BCHE: variants seen among roughly 807,000 people sequenced by gnomAD.
The protein encoded by BCHE is butyrylcholinesterase.
Under a neutral mutation model 51.3 loss-of-function variants are expected in BCHE, and 48 were observed. The observed-to-expected ratio is 0.94, with a 90% CI of 0.74 to 1.19. The LOEUF (loss-of-function observed/expected upper bound fraction) is 1.19, where lower values mean the gene tolerates loss of function less well. BCHE is among the 50% of genes most tolerant of loss of function. The pLI, the probability that BCHE is intolerant of heterozygous loss-of-function variation, is 0.00. For synonymous variants in BCHE, 251 were observed against 238.0 expected, an observed-to-expected ratio of 1.05 and a Z score of -0.50; for missense variants, 847 against 708.2, an observed-to-expected ratio of 1.20 and a Z score of -2.23.
intron 2 of BCHE, among the ~76,000 whole-genome samples, chr3:165,828,423 T>A (rs569802284): frequency 6.6e-6 from 1 of 152,196 alleles, no homozygotes; most frequent in South Asian, 2.1e-4. Context: ...AGTGAATAAG[T>A]ATTAAACCAT....
At chr3:165,822,108 C>A (rs1298388369) in intron 2 of BCHE, among the ~76,000 whole-genome samples, 2 of 151,180 alleles carry the variant, frequency 1.3e-5, no homozygotes, top group African/African-American at 2.4e-5. Flanking sequence ...CAAAACAGGA[C>A]AAAATAAAAG....
chr3:165,776,598 T>C (rs925189689), intron 3 of BCHE, among the ~76,000 whole-genome samples: 2 of 151,938 alleles, frequency 1.3e-5, no homozygotes, highest in South Asian at 2.1e-4. Flanking sequence ...TGTGACGTTT[T>C]CTTTAAACAA....
At chr3:165,806,213 T>C (rs1030165029) in intron 2 of BCHE, among the ~76,000 whole-genome samples, 6 of 152,292 alleles carry the variant, frequency 3.9e-5, no homozygotes, top group Middle Eastern at 3.4e-3. Flanking sequence ...TACAGTCTGG[T>C]TTCTTCATAA....
intron 2 of BCHE, among the ~76,000 whole-genome samples, chr3:165,798,170 A>G (rs1303303530): frequency 6.6e-6 from 1 of 152,218 alleles, no homozygotes; most frequent in African/African-American, 2.4e-5. Flanking sequence ...GTAAACCATT[A>G]GACTAATTGT....
intron 3 of BCHE, 136 bp from the exon 4 acceptor site, chr3:165,773,642 T>G: frequency 1.5e-6 from 1 of 673,406 alleles, no homozygotes. Flanking sequence ...CTTTATTATT[T>G]GTTATTAGCT....
At chr3:165,802,729 T>G (rs572639243) in intron 2 of BCHE, among the ~76,000 whole-genome samples, 53 of 152,052 alleles carry the variant, frequency 3.5e-4, no homozygotes, top group Non-Finnish European at 6.8e-4. Context: ...GATTTTTTGT[T>G]TTGTTTTGTT....
intron 2 of BCHE, among the ~76,000 whole-genome samples, chr3:165,790,172 C>T (rs1369506271): frequency 6.6e-6 from 1 of 152,066 alleles, no homozygotes; most frequent in Non-Finnish European, 1.5e-5. Flanking sequence ...GACTTTTAGC[C>T]ATGTGATATC....
chr3:165,825,747 C>T (rs961405565), intron 2 of BCHE, among the ~76,000 whole-genome samples: 2 of 152,032 alleles, frequency 1.3e-5, no homozygotes, highest in Non-Finnish European at 2.9e-5. Flanking sequence ...GTTCCCCTTC[C>T]TGTGTCCATG....
intron 2 of BCHE, among the ~76,000 whole-genome samples, chr3:165,812,421 C>G (rs945392488): frequency 6.6e-6 from 1 of 151,650 alleles, no homozygotes; most frequent in African/African-American, 2.4e-5. Context: ...GCATGATAAT[C>G]TAACCATTTA....
Position 165,837,345 on chromosome 3 carries a change from G to T in BCHE, c.-40C>A, listed in dbSNP as rs746031095. 4 of 1,289,738 alleles carry T rather than the reference G, an allele frequency of 3.1e-6. No individual in the cohort carries two copies. The highest frequency in any genetic ancestry group is 2.5e-5 in the South Asian group (2 of 81,022). The allele number at this position is 1,289,738 out of a possible 1,614,324, so 79.9% of individuals were successfully genotyped here. On this transcript the variant is annotated 5_prime_UTR_variant, in exon 1 of 4. It introduces an in-frame stop codon into an upstream open reading frame of the 5' UTR. Coordinates refer to ENST00000264381, the MANE Select transcript of BCHE (RefSeq NM_000055.4). Reference sequence around the variant, plus strand: ...CTCTGCAACAAAGATGGCAAAGTTTGCAAGGAGTGAAAATCATGTAATACT... The same window carrying T: ...CTCTGCAACAAAGATGGCAAAGTTTTCAAGGAGTGAAAATCATGTAATACT...
In BCHE at chr3:165,831,089, A is replaced by G. The variant is rs1714961963; in HGVS notation, c.-8-48T>C. ...GTTTTATAAGCCTTCTGCATATAGC[A>G]TATTATACTTTATTGATGATAATTA... On this transcript the variant is annotated intron_variant, in intron 1 of 3. Transcript: ENST00000264381. The G allele has an allele frequency of 1.2e-5, 18 of 1,452,864 alleles. 1 individual carries two copies. The South Asian group carries it at 2.0e-4, about 16-fold the overall frequency. 90.0% of individuals were successfully genotyped at this position (1,452,864 alleles called of 1,614,324 possible). A position where few individuals can be genotyped will look rare whatever the true frequency, so the allele number is the denominator to read the frequency against.
chr3:165,791,864 C>T (rs961826907), intron 2 of BCHE, among the ~76,000 whole-genome samples: 1 of 152,072 alleles, frequency 6.6e-6, no homozygotes, highest in South Asian at 2.1e-4. Flanking sequence ...AGGAGAATGG[C>T]TTGAACCTGG....
intron 2 of BCHE, among the ~76,000 whole-genome samples, chr3:165,803,903 A>G (rs575904246): frequency 6.6e-6 from 1 of 152,318 alleles, no homozygotes; most frequent in East Asian, 1.9e-4. Flanking sequence ...CAGTATGTAG[A>G]TGTTAGTTAA....
chr3:165,837,246 C>A lies in BCHE; in HGVS notation c.-9+68G>T, dbSNP rs1576675171. 10 of 1,021,820 alleles carry A rather than the reference C, an allele frequency of 9.8e-6. No homozygotes were observed. The East Asian group carries it at 5.3e-4, about 55-fold the overall frequency. The allele number at this position is 1,021,820 out of a possible 1,614,324, so 63.3% of individuals were successfully genotyped here. A position where few individuals can be genotyped will look rare whatever the true frequency, so the allele number is the denominator to read the frequency against. ...AACAAACACATGAAGAGATCACTCT[C>A]ATCCCACAGAATGAGCTTTACAGTA... On this transcript the variant is annotated intron_variant, in intron 1 of 3. Transcript: ENST00000264381.
chr3:165,830,205 A>G lies in BCHE; in HGVS notation c.829T>C (p.Leu277=), dbSNP rs757823110. 3.1e-6 allele frequency: 5 copies of G among 1,614,022 alleles called. No individual in the cohort carries two copies. Among genetic ancestry groups the G allele is most frequent in the Non-Finnish European group, 4.2e-6 (5 of 1,179,940 alleles). The part of the protein sequence containing the change: ...ARNRTLNLAK[L]TGCSRENETE... ...TCATTCTCTCTAGAGCAACCAGTCA[A>G]TTTAGCTAAGTTCAACGTTCTGTTC... is the stretch of plus-strand genomic sequence containing the variant. The change falls in exon 2 of 4, where the codon TTG becomes CTG. Residue 277 remains leucine, a synonymous_variant. Coordinates refer to ENST00000264381, the MANE Select transcript of BCHE (RefSeq NM_000055.4).
chr3:165,784,218 G>A (rs1167801713), intron 3 of BCHE, among the ~76,000 whole-genome samples: 1 of 151,818 alleles, frequency 6.6e-6, no homozygotes, highest in Non-Finnish European at 1.5e-5. Context: ...TTTGTGACTT[G>A]AAAAATATAA....
chr3:165,796,955 T>A (rs1713401804), intron 2 of BCHE, among the ~76,000 whole-genome samples: 1 of 152,120 alleles, frequency 6.6e-6, no homozygotes, highest in Non-Finnish European at 1.5e-5. Context: ...TTCTGTCTTC[T>A]TTCCTCTGCA....
chr3:165,785,017 T>C (rs1325301041), intron 3 of BCHE, among the ~76,000 whole-genome samples: 1 of 151,606 alleles, frequency 6.6e-6, no homozygotes, highest in Non-Finnish European at 1.5e-5. Flanking sequence ...CACAGAACAT[T>C]TGGTAATACA....
In BCHE at chr3:165,830,326, C is replaced by A; in HGVS notation, c.708G>T (p.Leu236Phe). 6.2e-7 allele frequency: 1 copy of A among 1,613,972 alleles called. No homozygotes were observed. The highest frequency in any genetic ancestry group is 8.5e-7 in the Non-Finnish European group (1 of 1,179,940). The change falls in exon 2 of 4, where the codon TTG (leucine) becomes TTT (phenylalanine). Residue 236 changes from leucine to phenylalanine, a missense_variant. Coordinates refer to ENST00000264381, the MANE Select transcript of BCHE (RefSeq NM_000055.4). Reference protein sequence around the residue: ...SAGAASVSLHLLSPGSHSLFT... With the variant: ...SAGAASVSLHFLSPGSHSLFT... ...ACAATGAATGGCTTCCAGGAGAAAG[C>A]AAATGCAGGCTAACTGAAGCTGCTC...
Sources: gnomAD v4.1 joint callset for allele counts (sites outside exome capture counted in the v4.1 genomes callset) on GRCh38, gnomAD v4.1.1 for gene constraint, MANE v1.5 for transcripts, NCBI Gene and HGNC (gene_info 2026-07-23, HGNC 2026-07-21) for gene names.